The following TAF4B variants were observed in gnomAD, a reference collection of about 807,000 sequenced individuals.
TAF4B encodes the protein TATA-box binding protein associated factor 4b, also known as transcription initiation factor TFIID subunit 4B.
TAF4B carries 38 observed loss-of-function variants against 86.4 expected under a neutral mutation model. The observed-to-expected ratio is 0.44, with a 90% CI of 0.34 to 0.58. The LOEUF is 0.58. Ranked by LOEUF, TAF4B falls within the 20% of genes least tolerant of loss-of-function variation. The probability of loss-of-function intolerance (pLI) is 0.02; values close to 1 mark genes in which losing one functional copy is unlikely to be tolerated. For missense variants in TAF4B, 988 were observed against 1,027.6 expected (o/e 0.96, Z 0.53); for synonymous variants, 388 against 391.2 (o/e 0.99, Z 0.10).
intron 13 of TAF4B, among the ~76,000 whole-genome samples, chr18:26,336,223 T>G (rs758158452): frequency 6.6e-5 from 10 of 152,230 alleles, no homozygotes; most frequent in Non-Finnish European, 1.3e-4. Context: ...CATGCAATTT[T>G]TAAGGATCTT....
At chr18:26,285,123 A>G (rs1043654596) in intron 6 of TAF4B, among the ~76,000 whole-genome samples, 1 of 148,998 alleles carries the variant, frequency 6.7e-6, no homozygotes, top group Non-Finnish European at 1.5e-5. Flanking sequence ...ATGCACCACC[A>G]TGCCCTGCTA....
At chr18:26,259,212 C>T (rs2056128648) in intron 1 of TAF4B, among the ~76,000 whole-genome samples, 2 of 147,452 alleles carry the variant, frequency 1.4e-5, no homozygotes, top group Admixed American at 1.4e-4. Flanking sequence ...CCCTCTCTTT[C>T]TGGTACTAAC....
chr18:26,378,830 C>T (rs1598841501), intron 14 of TAF4B, among the ~76,000 whole-genome samples: 3 of 152,120 alleles, frequency 2.0e-5, no homozygotes, highest in Admixed American at 2.0e-4. Flanking sequence ...TGAATTATTT[C>T]ACTCATAATG....
chr18:26,353,202 A>T (rs143224306), intron 13 of TAF4B, among the ~76,000 whole-genome samples: 111 of 152,324 alleles, frequency 7.3e-4, no homozygotes, highest in East Asian at 6.4e-3. Context: ...AATCTACTTT[A>T]GATTTGATAT....
At chr18:26,359,736 T>C (rs2057315953) in intron 14 of TAF4B, among the ~76,000 whole-genome samples, 1 of 152,186 alleles carries the variant, frequency 6.6e-6, no homozygotes, top group South Asian at 2.1e-4. Context: ...TGTTTGTTTA[T>C]GTAGAGATAG....
At chr18:26,306,929 C>T (rs1383978570) in intron 9 of TAF4B, among the ~76,000 whole-genome samples, 1 of 152,122 alleles carries the variant, frequency 6.6e-6, no homozygotes, top group Non-Finnish European at 1.5e-5. Flanking sequence ...AGGCACCCGC[C>T]ACCACACCCG....
At chr18:26,310,380 A>T (rs1209802248) in intron 9 of TAF4B, among the ~76,000 whole-genome samples, 1 of 152,198 alleles carries the variant, frequency 6.6e-6, no homozygotes, top group Non-Finnish European at 1.5e-5. Flanking sequence ...GTGTTTCCTA[A>T]AAACACTATT....
At chr18:26,385,125 TG>T (rs1376943113) in intron 14 of TAF4B, among the ~76,000 whole-genome samples, 2 of 152,224 alleles carry the variant, frequency 1.3e-5, no homozygotes, top group Non-Finnish European at 2.9e-5. Flanking sequence ...TTTCTGCTTC[TG>T]ACTTAGAGCA....
chr18:26,295,130 TATA>T, intron 9 of TAF4B: 1 of 246,760 alleles, frequency 4.1e-6, no homozygotes, highest in Non-Finnish European at 7.9e-6. Flanking sequence ...TATATTTCAA[TATA>T]ATATTTGTAT....
At position 26,286,240 on chromosome 18, in the gene TAF4B, C is replaced by T. The variant is rs773167018; in HGVS notation, c.1331C>T (p.Thr444Ile). ...SKPLVTSVAN[T>I]VTTVSLQPEK... is the part of the protein sequence containing the mutation. Reference sequence around the variant, plus strand: ...CCACTTGTGACATCTGTGGCAAACACAGTGACCACGGTCTCACTGCAACCT... The same window carrying T: ...CCACTTGTGACATCTGTGGCAAACATAGTGACCACGGTCTCACTGCAACCT... The change falls in exon 7 of 15, where the codon ACA becomes ATA. Residue 444 changes from threonine (T) to isoleucine (I), a missense_variant. Transcript: ENST00000269142. The T allele has an allele frequency of 4.3e-6, 7 of 1,614,230 alleles. No homozygotes were observed. The Admixed American group carries it at 1.2e-4, about 27-fold the overall frequency.
At chr18:26,327,876 C>T (rs902356308) in intron 12 of TAF4B, among the ~76,000 whole-genome samples, 4 of 152,284 alleles carry the variant, frequency 2.6e-5, no homozygotes, top group Admixed American at 6.5e-5. Flanking sequence ...GTGAGCCACC[C>T]GCCTGGCCAA....
chr18:26,301,968 G>A (rs1188632152), intron 9 of TAF4B, among the ~76,000 whole-genome samples: 1 of 152,200 alleles, frequency 6.6e-6, no homozygotes, highest in African/African-American at 2.4e-5. Context: ...GGTTACTTCA[G>A]TGAGGTTCTC....
chr18:26,389,767 C>G, intron 14 of TAF4B, 78 bp from the exon 15 acceptor site: 3 of 1,493,920 alleles, frequency 2.0e-6, no homozygotes, highest in Non-Finnish European at 2.7e-6. Context: ...GTAGTGGGCT[C>G]TGACATGCTA....
At chr18:26,247,593 A>G (rs1444287315) in intron 1 of TAF4B, among the ~76,000 whole-genome samples, 1 of 152,234 alleles carries the variant, frequency 6.6e-6, no homozygotes, top group Admixed American at 6.5e-5. Context: ...AAAAAAATTG[A>G]CACAGGGTTG....
chr18:26,270,370 C>T (rs72880129), intron 3 of TAF4B, among the ~76,000 whole-genome samples: 6,365 of 152,256 alleles, frequency 0.042, 178 homozygotes, highest in Non-Finnish European at 0.058. Context: ...TTTCTGTGCT[C>T]TCTGAATATT....
At chr18:26,243,946 C>T (rs568547672) in intron 1 of TAF4B, among the ~76,000 whole-genome samples, 4 of 152,332 alleles carry the variant, frequency 2.6e-5, no homozygotes, top group South Asian at 2.1e-4. Flanking sequence ...CCTCTGGAAG[C>T]TTCGTCTCAG....
At chr18:26,253,069 C>A (rs1326073150) in intron 1 of TAF4B, among the ~76,000 whole-genome samples, 2 of 152,024 alleles carry the variant, frequency 1.3e-5, no homozygotes, top group African/African-American at 4.8e-5. Flanking sequence ...CCCAGTTACC[C>A]TTGGTGGAAT....
In TAF4B at chr18:26,294,972, T is replaced by C. The variant is rs866735822; in HGVS notation, c.1832+1441T>C. 2.7e-5 allele frequency among the ~76,000 whole-genome samples: 4 copies of C among 149,944 alleles called. No homozygotes were observed. In the South Asian group the frequency reaches 6.3e-4, roughly 23 times the overall value. On this transcript the variant is annotated intron_variant, in intron 9 of 14. Coordinates refer to ENST00000269142, the MANE Select transcript of TAF4B (RefSeq NM_005640.3). ...ACTGGAATTCAGAAAATTAAAAAAC[T>C]TTTGCTCTGTGAAAAACACTGTCCA...
chr18:26,318,443 T>C (rs951234001), intron 10 of TAF4B, among the ~76,000 whole-genome samples: 9 of 152,136 alleles, frequency 5.9e-5, no homozygotes, highest in African/African-American at 2.2e-4. Flanking sequence ...ATTCCTTCCT[T>C]GTAGAATAGG....
Sources: gnomAD v4.1 joint callset for allele counts (sites outside exome capture counted in the v4.1 genomes callset) on GRCh38, gnomAD v4.1.1 for gene constraint, MANE v1.5 for transcripts, NCBI Gene and HGNC (gene_info 2026-07-23, HGNC 2026-07-21) for gene names.